Variants in TBC1D22A observed in about 807,000 individuals in gnomAD.
The protein encoded by TBC1D22A is putative GTPase activator.
In TBC1D22A, 38 loss-of-function variants were observed where a neutral mutation model predicts 60.2. That is an observed-to-expected ratio of 0.63 (90% CI 0.49 to 0.83). The LOEUF (loss-of-function observed/expected upper bound fraction) is 0.83. Among genes scored for constraint, TBC1D22A ranks in the 40% least tolerant of loss-of-function variants. The pLI is 0.00. For synonymous variants in TBC1D22A, 302 were observed against 281.7 expected (o/e 1.07, Z -0.72); for missense variants, 628 against 701.0 (o/e 0.90, Z 1.18).
chr22:47,162,699 G>C (rs1449805912), intron 12 of TBC1D22A, among the ~76,000 whole-genome samples: 1 of 114,198 alleles, frequency 8.8e-6, no homozygotes, highest in Non-Finnish European at 1.7e-5. Flanking sequence ...ATGGGACTGC[G>C]GACCCGGTGC....
chr22:46,898,833 A>G (rs2068826541), intron 7 of TBC1D22A, among the ~76,000 whole-genome samples: 1 of 152,238 alleles, frequency 6.6e-6, no homozygotes, highest in South Asian at 2.1e-4. Flanking sequence ...CAAAAGGGGA[A>G]GGCAAGTTTG....
At chr22:47,098,982 CG>C (rs1400892692) in intron 11 of TBC1D22A, among the ~76,000 whole-genome samples, 2 of 152,174 alleles carry the variant, frequency 1.3e-5, no homozygotes, top group Non-Finnish European at 2.9e-5. Flanking sequence ...ACCCTGACTG[CG>C]GGGGCTCCTG....
At chr22:46,834,812 C>T (rs1275143593) in intron 4 of TBC1D22A, among the ~76,000 whole-genome samples, 1 of 152,202 alleles carries the variant, frequency 6.6e-6, no homozygotes, top group Non-Finnish European at 1.5e-5. Context: ...ATTCTGTATG[C>T]CTCCCTTCCT....
chr22:46,995,857 A>C (rs1229259954), intron 9 of TBC1D22A, among the ~76,000 whole-genome samples: 1 of 150,964 alleles, frequency 6.6e-6, no homozygotes, highest in South Asian at 2.1e-4. Context: ...CTGCCACACC[A>C]CTCTCTGGTT....
intron 11 of TBC1D22A, among the ~76,000 whole-genome samples, chr22:47,110,208 G>C (rs1054715983): frequency 6.6e-6 from 1 of 152,136 alleles, no homozygotes; most frequent in African/African-American, 2.4e-5. Context: ...GGCCAGGCAC[G>C]GTGGCTCACA....
intron 11 of TBC1D22A, among the ~76,000 whole-genome samples, chr22:47,070,522 C>T (rs572171703): frequency 1.3e-4 from 19 of 149,384 alleles, no homozygotes; most frequent in African/African-American, 4.2e-4. Context: ...GCGGAGCTGA[C>T]CTGACTGTTC....
At chr22:47,121,312 CT>C (rs1296911963) in intron 12 of TBC1D22A, among the ~76,000 whole-genome samples, 10 of 152,184 alleles carry the variant, frequency 6.6e-5, no homozygotes, top group Non-Finnish European at 1.5e-4. Flanking sequence ...TTCTGCAGAG[CT>C]ATTAATAATT....
intron 10 of TBC1D22A, among the ~76,000 whole-genome samples, chr22:47,022,548 T>C (rs376744876): frequency 6.9e-6 from 1 of 144,702 alleles, no homozygotes; most frequent in African/African-American, 2.8e-5. Flanking sequence ...CGAGACTCTG[T>C]CTCAAAAAAA....
At chr22:47,153,063 T>C (rs2067570439) in intron 12 of TBC1D22A, among the ~76,000 whole-genome samples, 4 of 152,206 alleles carry the variant, frequency 2.6e-5, no homozygotes, top group South Asian at 2.1e-4. Context: ...AAACACAGTT[T>C]CCTTTCTGTC....
intron 11 of TBC1D22A, among the ~76,000 whole-genome samples, chr22:47,100,942 C>A (rs1332119643): frequency 6.6e-6 from 1 of 152,140 alleles, no homozygotes; most frequent in African/African-American, 2.4e-5. Flanking sequence ...GCTGAATGAG[C>A]TTTGGGCTTC....
chr22:47,146,707 T>G (rs770703621), intron 12 of TBC1D22A, among the ~76,000 whole-genome samples: 2 of 152,178 alleles, frequency 1.3e-5, no homozygotes, highest in Non-Finnish European at 2.9e-5. Flanking sequence ...TCGGTGGCCC[T>G]TTCTTGATGG....
rs2069239266 is a variant in TBC1D22A, at chr22:46,904,135, CTA to C, written c.901-7937_901-7936del. 3.6e-5 allele frequency among the ~76,000 whole-genome samples: 4 copies of C among 110,596 alleles called. No homozygotes were observed. In the Admixed American group the frequency reaches 4.0e-4, roughly 11 times the overall value. The allele number at this position is 110,596 out of a possible 152,430, so 72.6% of individuals were successfully genotyped here. A position where few individuals can be genotyped will look rare whatever the true frequency, so the allele number is the denominator to read the frequency against. ...TCTATCTATCTATCTATCTATCTAT[CTA>C]TCTATCTACCTACCTACCTACCTAC... On this transcript the variant is annotated intron_variant, in intron 7 of 12. Coordinates refer to ENST00000337137, the MANE Select transcript of TBC1D22A (RefSeq NM_014346.5).
At chr22:47,069,106 C>T (rs1044752580) in intron 11 of TBC1D22A, among the ~76,000 whole-genome samples, 11 of 151,978 alleles carry the variant, frequency 7.2e-5, no homozygotes, top group Non-Finnish European at 4.4e-5. Flanking sequence ...CATTAAGTGG[C>T]TAATTATATT....
At chr22:46,972,620 G>A (rs1174700740) in intron 8 of TBC1D22A, among the ~76,000 whole-genome samples, 1 of 152,192 alleles carries the variant, frequency 6.6e-6, no homozygotes, top group Non-Finnish European at 1.5e-5. Flanking sequence ...CAGGTTCGTG[G>A]TTGCCAGGCG....
At chr22:47,070,587 G>A (rs1390855020) in intron 11 of TBC1D22A, among the ~76,000 whole-genome samples, 1 of 144,894 alleles carries the variant, frequency 6.9e-6, no homozygotes. Context: ...TGGTTGGAGC[G>A]GAGCTGACCT....
At chr22:46,870,978 C>G (rs781085948) in intron 4 of TBC1D22A, among the ~76,000 whole-genome samples, 1 of 152,134 alleles carries the variant, frequency 6.6e-6, no homozygotes, top group Non-Finnish European at 1.5e-5. Context: ...AAAAGCCAGA[C>G]ACACATGTTT....
intron 8 of TBC1D22A, among the ~76,000 whole-genome samples, chr22:46,964,817 G>A (rs554468256): frequency 6.6e-6 from 1 of 152,338 alleles, no homozygotes; most frequent in East Asian, 1.9e-4. Flanking sequence ...TTGCCAACCC[G>A]ATTCCTGGCA....
chr22:46,976,760 C>T (rs2074313466), intron 9 of TBC1D22A, among the ~76,000 whole-genome samples: 1 of 152,218 alleles, frequency 6.6e-6, no homozygotes. Context: ...AGTGCAGGCT[C>T]TCAGCCCGGC....
intron 7 of TBC1D22A, among the ~76,000 whole-genome samples, chr22:46,905,820 G>A (rs569198369): frequency 6.6e-6 from 1 of 152,200 alleles, no homozygotes; most frequent in East Asian, 1.9e-4. Context: ...CATCCTTCTG[G>A]GGGCATGACC....
Sources: gnomAD v4.1 joint callset for allele counts (sites outside exome capture counted in the v4.1 genomes callset) on GRCh38, gnomAD v4.1.1 for gene constraint, MANE v1.5 for transcripts, NCBI Gene and HGNC (gene_info 2026-07-23, HGNC 2026-07-21) for gene names.